Variants in PTDSS2 observed in about 807,000 individuals in gnomAD.
The protein encoded by PTDSS2 is phosphatidylserine synthase 2.
A neutral mutation model predicts 64.7 loss-of-function variants in PTDSS2; 41 were observed. That is an observed-to-expected ratio of 0.63 (90% CI 0.49 to 0.82). The LOEUF (loss-of-function observed/expected upper bound fraction) is 0.82, where lower values mean the gene tolerates loss of function less well. Among genes scored for constraint, PTDSS2 ranks in the 40% least tolerant of loss-of-function variants. The pLI, the probability that PTDSS2 is intolerant of heterozygous loss-of-function variation, is 0.00. For missense variants in PTDSS2, 485 were observed against 650.0 expected (o/e 0.75, Z 2.76); for synonymous variants, 297 against 277.8 (o/e 1.07, Z -0.69).
rs1259996409 is a variant in PTDSS2, at chr11:479,931, A to G, written c.435+779A>G. Among the ~76,000 whole-genome samples the G allele has an allele frequency of 6.6e-6, 1 of 152,216 alleles. No individual in the cohort carries two copies. Among genetic ancestry groups the G allele is most frequent in the Non-Finnish European group, 1.5e-5 (1 of 68,026 alleles). On this transcript the variant is annotated intron_variant, in intron 4 of 11. Coordinates refer to ENST00000308020, the MANE Select transcript of PTDSS2 (RefSeq NM_030783.3). This position sits in a 1 kb window ranked among gnomAD's most constrained non-coding sequence, Gnocchi z 4.2. Reference sequence around the variant, plus strand: ...CCATCAGTGCATGATGAGATTTTTTATCATCGTGGCAAAATTGACTTTTCT... The same window carrying G: ...CCATCAGTGCATGATGAGATTTTTTGTCATCGTGGCAAAATTGACTTTTCT...
At chr11:490,377 G>T in intron 11 of PTDSS2, 43 bp from the exon 12 acceptor site, 1 of 1,612,528 alleles carries the variant, frequency 6.2e-7, no homozygotes. Context: ...CTGCAGTGGG[G>T]CTGGTGTGGG....
chr11:457,524 G>T (rs1202661802), intron 1 of PTDSS2, among the ~76,000 whole-genome samples: 1 of 152,182 alleles, frequency 6.6e-6, no homozygotes, highest in African/African-American at 2.4e-5. Context: ...CTCCTGCCTG[G>T]GCCTCCCAAG....
intron 3 of PTDSS2, among the ~76,000 whole-genome samples, chr11:478,423 C>G (rs1432311628): frequency 6.6e-6 from 1 of 151,968 alleles, no homozygotes; most frequent in Non-Finnish European, 1.5e-5. Context: ...TGCACTCCAG[C>G]CTGGGCAACA....
At chr11:463,291 G>GATCT (rs1846980850) in intron 2 of PTDSS2, 1 of 149,134 alleles carries the variant, frequency 6.7e-6, no homozygotes, top group African/African-American at 2.5e-5. Context: ...GCAGTGGTGT[G>GATCT]ATCTCGGCTC....
intron 6 of PTDSS2, 43 bp from the exon 7 acceptor site, chr11:488,156 T>A (rs200943113): frequency 7.0e-7 from 1 of 1,429,508 alleles, no homozygotes; most frequent in Non-Finnish European, 9.8e-7. Context: ...CAGGGCCGGG[T>A]GTGGCCGGCG....
chr11:460,121 G>A lies in PTDSS2; in HGVS notation c.183-66G>A. On this transcript the variant is annotated intron_variant, in intron 1 of 11. Transcript: ENST00000308020. The surrounding 1 kb of genome is among the most constrained non-coding windows in gnomAD (Gnocchi z 5.8). ...TTGACGTAGAGAGGATTTGGGGCCT[G>A]TTACGTGAGTATTTAGCAATGCTGC... 7.7e-7 allele frequency: 1 copy of A among 1,303,170 alleles called. No homozygotes were observed. The highest frequency in any genetic ancestry group is 1.1e-6 in the Non-Finnish European group (1 of 903,948). 80.7% of individuals were successfully genotyped at this position (1,303,170 alleles called of 1,614,324 possible). A position where few individuals can be genotyped will look rare whatever the true frequency, so the allele number is the denominator to read the frequency against.
chr11:457,039 G>C (rs1316517629), intron 1 of PTDSS2, among the ~76,000 whole-genome samples: 2 of 152,178 alleles, frequency 1.3e-5, no homozygotes, highest in Non-Finnish European at 2.9e-5. Context: ...TCATGAGTTT[G>C]AGACCAGCCT....
At position 476,690 on chromosome 11, in the gene PTDSS2, C is replaced by T. The variant is rs1401767869; in HGVS notation, c.368-2395C>T. On this transcript the variant is annotated intron_variant, in intron 3 of 11. Transcript: ENST00000308020. The surrounding 1 kb of genome is among the most constrained non-coding windows in gnomAD (Gnocchi z 4.9). ...CCTGGCGGGATGTGGAGCATCTGGG[C>T]CTGAAGGTCTTGGCGCTTCCAAAAG... Among the ~76,000 whole-genome samples, 1 of 152,072 alleles carries T rather than the reference C, an allele frequency of 6.6e-6. No homozygotes were observed. The highest frequency in any genetic ancestry group is 2.4e-5 in the African/African-American group (1 of 41,386).
intron 2 of PTDSS2, among the ~76,000 whole-genome samples, chr11:471,789 A>G (rs560061858): frequency 2.8e-4 from 32 of 114,090 alleles, no homozygotes; most frequent in Non-Finnish European, 4.2e-4. Context: ...GGTGACGCAG[A>G]TGGTGGCCTG....
At chr11:452,650 T>C (rs952192332) in intron 1 of PTDSS2, among the ~76,000 whole-genome samples, 1 of 152,132 alleles carries the variant, frequency 6.6e-6, no homozygotes, top group African/African-American at 2.4e-5. Flanking sequence ...GGCTTTCCCC[T>C]CGACCCTGTC....
At chr11:489,125 C>T (rs1848545452) in intron 8 of PTDSS2, among the ~76,000 whole-genome samples, 1 of 152,256 alleles carries the variant, frequency 6.6e-6, no homozygotes, top group Non-Finnish European at 1.5e-5. Flanking sequence ...GCTGCAGCCA[C>T]TGCTCAAGCT....
chr11:465,522 T>C (rs774510908), intron 2 of PTDSS2, among the ~76,000 whole-genome samples: 33 of 152,154 alleles, frequency 2.2e-4, no homozygotes, highest in Admixed American at 1.2e-3. Flanking sequence ...TTATAAAACA[T>C]CTTGGAGAAA....
At position 476,404 on chromosome 11, in the gene PTDSS2, G is replaced by GAA. The variant is rs1385605014; in HGVS notation, c.367+2430_367+2431dup. ...GGTGAGAAACTTCCCGGCACACAGT[G>GAA]AAAAGCCTGGTGCAGTTACGTGCTT... On this transcript the variant is annotated intron_variant, in intron 3 of 11. Coordinates refer to ENST00000308020, the MANE Select transcript of PTDSS2 (RefSeq NM_030783.3). This position sits in a 1 kb window ranked among gnomAD's most constrained non-coding sequence, Gnocchi z 4.9. 6.6e-6 allele frequency among the ~76,000 whole-genome samples: 1 copy of GAA among 152,210 alleles called. No individual in the cohort carries two copies. Among genetic ancestry groups the GAA allele is most frequent in the Admixed American group, 6.6e-5 (1 of 15,266 alleles).
intron 1 of PTDSS2, among the ~76,000 whole-genome samples, chr11:455,239 C>T (rs1451341971): frequency 2.6e-5 from 4 of 152,242 alleles, no homozygotes; most frequent in African/African-American, 9.6e-5. Flanking sequence ...CACGGTTAGC[C>T]TCCCTTAGGC....
intron 5 of PTDSS2, 134 bp downstream of exon 5, chr11:487,207 C>T: frequency 9.7e-7 from 1 of 1,032,126 alleles, no homozygotes; most frequent in Non-Finnish European, 1.4e-6. Flanking sequence ...GTGCTGAGGC[C>T]CTGTCCGTCT....
chr11:473,942 A>G lies in PTDSS2; in HGVS notation c.332A>G (p.Gln111Arg), dbSNP rs1470426498. ...GTTTTCTTATGTTTTGGAGTCACAC[A>G]AGCTAAAGACGGGCCATTTTCCAGA... is the stretch of plus-strand genomic sequence containing the variant. The part of the protein sequence containing the change: ...ILVFLCFGVT[Q>R]AKDGPFSRPH... Residue 111 changes from glutamine to arginine, a missense_variant, in exon 3 of 12, where the codon CAA becomes CGA. Physicochemically the swap from Gln to Arg is conservative, Grantham distance 43 (BLOSUM62 1). This residue lies in a region of PTDSS2 where 251 missense variants were observed against 348.0 expected (regional missense o/e 0.72). Transcript: ENST00000308020. The G allele has an allele frequency of 1.2e-6, 2 of 1,614,082 alleles. No individual in the cohort carries two copies. Among genetic ancestry groups the G allele is most frequent in the Admixed American group, 1.7e-5 (1 of 60,030 alleles).
chr11:484,508 G>T (rs894962146), intron 4 of PTDSS2, among the ~76,000 whole-genome samples: 2 of 152,194 alleles, frequency 1.3e-5, no homozygotes, highest in Non-Finnish European at 2.9e-5. Flanking sequence ...CAGTGCAGGG[G>T]TGCGTGTGTG....
rs1310015135 is a variant in PTDSS2 at position 470,743 on chromosome 11, C to T, written c.285-3152C>T. ...TAGCTGGGATTACAGGTGCCTGCCA[C>T]CACATCTGGCTAATTTGTGTATTTT... On this transcript the variant is annotated intron_variant, in intron 2 of 11. Coordinates refer to ENST00000308020, the MANE Select transcript of PTDSS2 (RefSeq NM_030783.3). This position sits in a 1 kb window ranked among gnomAD's most constrained non-coding sequence, Gnocchi z 5.3. Among the ~76,000 whole-genome samples the T allele has an allele frequency of 6.6e-6, 1 of 151,942 alleles. No individual in the cohort carries two copies. Among genetic ancestry groups the T allele is most frequent in the Non-Finnish European group, 1.5e-5 (1 of 67,992 alleles).
chr11:478,468 C>A (rs1847916825), intron 3 of PTDSS2, among the ~76,000 whole-genome samples: 1 of 151,036 alleles, frequency 6.6e-6, no homozygotes, highest in African/African-American at 2.4e-5. Flanking sequence ...AAAAAGTGGC[C>A]AGCCACAGTA....
Sources: gnomAD v4.1 joint callset for allele counts (sites outside exome capture counted in the v4.1 genomes callset) on GRCh38, gnomAD v4.1.1 for gene constraint, gnomAD v4.1.1 regional missense constraint, Gnocchi (gnomAD v3.1) non-coding constraint, MANE v1.5 for transcripts, NCBI Gene and HGNC (gene_info 2026-07-23, HGNC 2026-07-21) for gene names.